Variants in PLXNA1 observed in about 807,000 individuals in gnomAD.
The protein encoded by PLXNA1 is plexin-A1.
Under a neutral mutation model 191.7 loss-of-function variants are expected in PLXNA1, and 77 were observed. The observed-to-expected ratio is 0.40, with a 90% CI of 0.33 to 0.49. The LOEUF (loss-of-function observed/expected upper bound fraction) is 0.49. PLXNA1 is among the 20% of genes least tolerant of loss of function. PLXNA1 has a pLI of 0.63. For missense variants in PLXNA1, 2,110 were observed against 2,660.2 expected (o/e 0.79, Z 4.55); for synonymous variants, 1,137 against 1,156.4 (o/e 0.98, Z 0.34).
chr3:127,029,197 G>A (rs1187968456), intron 26 of PLXNA1, 101 bp downstream of exon 26: 1 of 981,140 alleles, frequency 1.0e-6, no homozygotes, highest in Non-Finnish European at 1.6e-6. Context: ...ACAGCAGCTG[G>A]ATCTGTCAGG....
chr3:127,004,611 G>C lies in PLXNA1; in HGVS notation c.1519G>C (p.Val507Leu). Residue 507 changes from valine (V) to leucine (L), a missense_variant and splice_region_variant, in exon 5 of 32, where the codon GTG (valine) becomes CTG (leucine). Around this residue, in one of 4 missense-constraint regions of PLXNA1, gnomAD observed 903 missense variants for 1,015.7 expected, o/e 0.89. Coordinates refer to ENST00000393409, the MANE Select transcript of PLXNA1 (RefSeq NM_032242.4). The stretch of plus-strand genomic sequence containing the variant: ...GGGCCTGACACCTCCCCCACACCAG[G>C]TGACGCGGGTGCCTGTGGAGAGCTG... ...QYLYAMTEKQ[V>L]TRVPVESCVQ... is the part of the protein sequence containing the mutation. The C allele has an allele frequency of 1.3e-6, 2 of 1,565,440 alleles. No individual in the cohort carries two copies. The highest frequency in any genetic ancestry group is 1.7e-6 in the Non-Finnish European group (2 of 1,154,740).
At chr3:127,003,295 A>C in intron 3 of PLXNA1, 35 bp from the exon 4 acceptor site, 1 of 1,551,248 alleles carries the variant, frequency 6.4e-7, no homozygotes, top group Non-Finnish European at 8.8e-7. Context: ...GGGAGGTATC[A>C]GCACAGCTCC....
intron 23 of PLXNA1, chr3:127,027,702 G>T (rs866120081): frequency 1.2e-5 from 8 of 682,494 alleles, no homozygotes; most frequent in South Asian, 1.0e-4. Flanking sequence ...CCTGGCTCAT[G>T]TGTAATTTAG....
In PLXNA1 at chr3:127,014,127, G is replaced by A. The variant is rs1559961079; in HGVS notation, c.2410+11G>A. 1.9e-6 allele frequency: 3 copies of A among 1,613,274 alleles called. No individual in the cohort carries two copies. The highest frequency in any genetic ancestry group is 2.5e-6 in the Non-Finnish European group (3 of 1,179,782). ...CACAGAACATCCAGGGTGAGTGGGC[G>A]CCCCGGCGGGGTGGGCAGTGGGCGG... On this transcript the variant is annotated intron_variant, in intron 11 of 31. Transcript: ENST00000393409.
intron 23 of PLXNA1, among the ~76,000 whole-genome samples, chr3:127,025,045 C>T (rs1461885893): frequency 1.3e-5 from 2 of 152,170 alleles, no homozygotes; most frequent in Non-Finnish European, 2.9e-5. Context: ...TGCATTTGGT[C>T]CAGTCAGTGA....
Position 126,991,436 on chromosome 3 carries a change from G to T in PLXNA1, c.1247G>T (p.Gly416Val). ...GGGCAGGACTTCAACCAGCCCCTGG[G>T]GGGCACAGTCACCATTGAGGGGACG... ...FCGQDFNQPL[G>V]GTVTIEGTPL... Residue 416 changes from glycine (G) to valine (V), a missense_variant, in exon 3 of 32, where the codon GGG (glycine) becomes GTG (valine). This residue lies in a region of PLXNA1 where 903 missense variants were observed against 1,015.7 expected (regional missense o/e 0.89). Transcript: ENST00000393409. 6.2e-7 allele frequency: 1 copy of T among 1,612,880 alleles called. No individual in the cohort carries two copies. The highest frequency in any genetic ancestry group is 1.1e-5 in the South Asian group (1 of 91,058).
chr3:127,019,646 T>A (rs2079142990), intron 20 of PLXNA1, among the ~76,000 whole-genome samples: 1 of 152,202 alleles, frequency 6.6e-6, no homozygotes, highest in African/African-American at 2.4e-5. Context: ...TGGCTTCTGA[T>A]CAGATAGCCT....
At chr3:126,999,288 G>A (rs2079028693) in intron 3 of PLXNA1, among the ~76,000 whole-genome samples, 1 of 152,196 alleles carries the variant, frequency 6.6e-6, no homozygotes, top group African/African-American at 2.4e-5. Context: ...AGTGTGTGAG[G>A]CCTCCACGTG....
In PLXNA1 at chr3:127,022,100, G is replaced by C. The variant is rs568444014; in HGVS notation, c.4054G>C (p.Glu1352Gln). The stretch of plus-strand genomic sequence containing the variant: ...GCTCCCTCAGGTGCAGGCCAATGTG[G>C]AGAAGTCGCTGACACTGTTCGGGCA... ...LKEMEVQANV[E>Q]KSLTLFGQLL... Residue 1352 changes from glutamate (E) to glutamine (Q), a missense_variant, in exon 22 of 32, where the codon GAG becomes CAG. Coordinates refer to ENST00000393409, the MANE Select transcript of PLXNA1 (RefSeq NM_032242.4). 6.2e-7 allele frequency: 1 copy of C among 1,612,706 alleles called. No individual in the cohort carries two copies. Among genetic ancestry groups the C allele is most frequent in the South Asian group, 1.1e-5 (1 of 91,074 alleles).
chr3:127,020,425 T>C, intron 21 of PLXNA1, 81 bp downstream of exon 21: 2 of 1,541,254 alleles, frequency 1.3e-6, no homozygotes, highest in South Asian at 1.2e-5. Context: ...TGGGTGCTGA[T>C]GGATGGTATG....
intron 14 of PLXNA1, 101 bp from the exon 15 acceptor site, chr3:127,015,083 G>C: frequency 6.7e-7 from 1 of 1,492,958 alleles, no homozygotes; most frequent in Non-Finnish European, 9.0e-7. Context: ...CTCCTAGTCT[G>C]GGGAACTGTC....
Position 127,017,599 on chromosome 3 carries a change from G to A in PLXNA1, c.3451G>A (p.Val1151Ile), listed in dbSNP as rs1295967243. 21 of 1,613,422 alleles carry A rather than the reference G, an allele frequency of 1.3e-5. No homozygotes were observed. Among genetic ancestry groups the A allele is most frequent in the African/African-American group, 5.3e-5 (4 of 74,900 alleles). ...STSFLYYPDP[V>I]LEPLSPTGLL... ...CTCCTTCCTCTACTACCCTGACCCC[G>A]TACTGGAGCCACTCAGCCCCACTGG... Residue 1151 changes from valine to isoleucine, a missense_variant, in exon 18 of 32, where the codon GTA becomes ATA. Physicochemically the swap from Val to Ile is conservative, Grantham distance 29 (BLOSUM62 3). Around this residue, in one of 4 missense-constraint regions of PLXNA1, gnomAD observed 644 missense variants for 714.3 expected, o/e 0.90. Coordinates refer to ENST00000393409, the MANE Select transcript of PLXNA1 (RefSeq NM_032242.4).
intron 7 of PLXNA1, 72 bp downstream of exon 7, chr3:127,005,315 T>G (rs1408437597): frequency 6.6e-7 from 1 of 1,507,734 alleles, no homozygotes; most frequent in African/African-American, 1.4e-5. Context: ...GCCGCCTGTT[T>G]AGCGCCTCCC....
In PLXNA1 at chr3:126,991,399, G is replaced by T; in HGVS notation, c.1210G>T (p.Asp404Tyr). ...CTTCCCACAGCCCCTGCAGATCGAT[G>T]ACGACTTCTGCGGGCAGGACTTCAA... ...GCINSPLQID[D>Y]DFCGQDFNQP... is the part of the protein sequence containing the mutation. Residue 404 changes from aspartate (D) to tyrosine (Y), a missense_variant, in exon 3 of 32, where the codon GAC (aspartate) becomes TAC (tyrosine). By Grantham distance (160) the Asp-to-Tyr change is radical. Around this residue, in one of 4 missense-constraint regions of PLXNA1, gnomAD observed 903 missense variants for 1,015.7 expected, o/e 0.89. Transcript: ENST00000393409. 6.2e-7 allele frequency: 1 copy of T among 1,612,778 alleles called. No individual in the cohort carries two copies.
Position 126,989,698 on chromosome 3 carries a change from A to G in PLXNA1, c.1105A>G (p.Ile369Val), listed in dbSNP as rs1330933145. The G allele has an allele frequency of 1.9e-6, 3 of 1,612,972 alleles. No individual in the cohort carries two copies. The highest frequency in any genetic ancestry group is 2.2e-5 in the South Asian group (2 of 91,078). ...LFTLRAIKEK[I>V]KERIQSCYRG... ...CACGCTCAGGGCCATCAAGGAGAAG[A>G]TTAAGGAGCGCATCCAGTCCTGCTA... Residue 369 changes from isoleucine to valine, a missense_variant, in exon 2 of 32, where the codon ATT becomes GTT. This residue lies in a region of PLXNA1 where 903 missense variants were observed against 1,015.7 expected (regional missense o/e 0.89). Coordinates refer to ENST00000393409, the MANE Select transcript of PLXNA1 (RefSeq NM_032242.4).
chr3:126,986,846 G>A (rs1231783942), intron 1 of PLXNA1, among the ~76,000 whole-genome samples: 1 of 152,218 alleles, frequency 6.6e-6, no homozygotes, highest in Non-Finnish European at 1.5e-5. Flanking sequence ...TGATGGGACT[G>A]TGCCCAGCTC....
At position 127,017,013 on chromosome 3, in the gene PLXNA1, G is replaced by A. The variant is rs375684106; in HGVS notation, c.3252G>A (p.Lys1084=). 4.3e-6 allele frequency: 7 copies of A among 1,613,364 alleles called. No homozygotes were observed. Among genetic ancestry groups the A allele is most frequent in the Middle Eastern group, 1.6e-4 (1 of 6,080 alleles). Residue 1084 remains lysine, a synonymous_variant, in exon 17 of 32, where the codon AAG becomes AAA. Transcript: ENST00000393409. ...TCCGTGAACCCCGAATCCGGGCCAA[G>A]TATGGAGGCATTGAGAGGGAGAACG... ...ATVREPRIRA[K]YGGIERENGC...
intron 23 of PLXNA1, among the ~76,000 whole-genome samples, chr3:127,023,918 T>C (rs1008044501): frequency 3.3e-5 from 5 of 152,054 alleles, no homozygotes; most frequent in African/African-American, 1.2e-4. Context: ...AGGCAGGGGC[T>C]GGGCTTGTCT....
rs550174019 is a variant in PLXNA1 at position 126,990,692 on chromosome 3, G to A, written c.1195-692G>A. On this transcript the variant is annotated intron_variant, in intron 2 of 31. Transcript: ENST00000393409. ...TTTGTCCTCAGGGCAGAGTGGGACT[G>A]CAAGGGCCCCTCAGTCCTTCCGTCT... Among the ~76,000 whole-genome samples, 19 of 152,340 alleles carry A rather than the reference G, an allele frequency of 1.2e-4. No homozygotes were observed. In the South Asian group the frequency reaches 2.1e-3, roughly 17 times the overall value.
Sources: gnomAD v4.1 joint callset for allele counts (sites outside exome capture counted in the v4.1 genomes callset) on GRCh38, gnomAD v4.1.1 for gene constraint, gnomAD v4.1.1 regional missense constraint, MANE v1.5 for transcripts, NCBI Gene and HGNC (gene_info 2026-07-23, HGNC 2026-07-21) for gene names.